The following INTS1 variants were observed in gnomAD, a reference collection of about 807,000 sequenced individuals.
The protein encoded by INTS1 is integrator complex subunit 1.
Under a neutral mutation model 241.6 loss-of-function variants are expected in INTS1, and 137 were observed. The ratio of observed to expected loss-of-function variants is 0.57; its 90% CI spans 0.49 to 0.65. The LOEUF is 0.65. Among genes scored for constraint, INTS1 ranks in the 30% least tolerant of loss-of-function variants. The pLI is 0.00. For missense variants in INTS1, 3,073 were observed against 3,032.2 expected, an observed-to-expected ratio of 1.01 and a Z score of -0.32; for synonymous variants, 1,692 against 1,337.8, an observed-to-expected ratio of 1.26 and a Z score of -5.78.
chr7:1,470,526 C>A lies in INTS1; in HGVS notation c.*51G>T. ...GCTTCCTGGGCTTTGCCTCGAGGATCCCCGGGGACGGGACGGGCCGGGGCT... is the reference window on the plus strand; with the variant it reads ...GCTTCCTGGGCTTTGCCTCGAGGATACCCGGGGACGGGACGGGCCGGGGCT... On this transcript the variant is annotated 3_prime_UTR_variant, in exon 48 of 48. Coordinates refer to ENST00000404767, the MANE Select transcript of INTS1 (RefSeq NM_001080453.3). 7.2e-7 allele frequency: 1 copy of A among 1,380,654 alleles called. No individual in the cohort carries two copies. The highest frequency in any genetic ancestry group is 9.8e-7 in the Non-Finnish European group (1 of 1,019,996). 85.5% of individuals were successfully genotyped at this position (1,380,654 alleles called of 1,614,324 possible).
chr7:1,500,281 G>T lies in INTS1; in HGVS notation c.435C>A (p.Ala145=). ...DDRIEGVLCG[A]VKQLKVTRAK... ...CGCGGGTGACCTTCAGCTGCTTCAC[G>T]GCCCCGCACAGCACGCCCTCGATCC... is the stretch of plus-strand genomic sequence containing the variant. Residue 145 remains alanine, a synonymous_variant, in exon 4 of 48, where the codon GCC becomes GCA. Transcript: ENST00000404767. 6.3e-7 allele frequency: 1 copy of T among 1,597,114 alleles called. No homozygotes were observed. The highest frequency in any genetic ancestry group is 8.5e-7 in the Non-Finnish European group (1 of 1,171,256).
chr7:1,485,653 T>C, intron 22 of INTS1, 184 bp from the exon 23 acceptor site: 1 of 644,806 alleles, frequency 1.6e-6, no homozygotes, highest in Non-Finnish European at 2.6e-6. Context: ...AATGCTTCTG[T>C]TCAAGTTCCT....
Position 1,480,332 on chromosome 7 carries a change from A to T in INTS1, c.4059T>A (p.Ala1353=). The T allele has an allele frequency of 6.2e-7, 1 of 1,608,996 alleles. No homozygotes were observed. Residue 1353 remains alanine, a synonymous_variant, in exon 30 of 48, where the codon GCT becomes GCA. Coordinates refer to ENST00000404767, the MANE Select transcript of INTS1 (RefSeq NM_001080453.3). The stretch of plus-strand genomic sequence containing the variant: ...GCAACGCTACCTGGAGGAACATGCC[A>T]GCCAGGTCGTCCTCAGGGCCCAGCA... The part of the protein sequence containing the change: ...LRVLGPEDDL[A]GMFLQIFPLS...
rs776720575 is a variant in INTS1, at chr7:1,500,160, C to T, written c.546+10G>A. The T allele has an allele frequency of 1.6e-5, 25 of 1,581,672 alleles. No individual in the cohort carries two copies. Among genetic ancestry groups the T allele is most frequent in the Middle Eastern group, 1.7e-4 (1 of 5,996 alleles). Reference sequence around the variant, plus strand: ...CGCTGCTCGCCTCCTGCCAGGGGCCCGGCTCAAACCTCAATGACGCCCTCA... The same window carrying T: ...CGCTGCTCGCCTCCTGCCAGGGGCCTGGCTCAAACCTCAATGACGCCCTCA... On this transcript the variant is annotated intron_variant, in intron 4 of 47. Transcript: ENST00000404767.
intron 40 of INTS1, 83 bp from the exon 41 acceptor site, chr7:1,474,443 C>G: frequency 2.1e-6 from 3 of 1,408,266 alleles, no homozygotes; most frequent in Non-Finnish European, 2.8e-6. Context: ...ACTGCCTGCC[C>G]CGGGAGCCAG....
Position 1,496,250 on chromosome 7 carries a change from C to T in INTS1, c.1617G>A (p.Val539=), listed in dbSNP as rs775818069. 2 of 1,613,686 alleles carry T rather than the reference C, an allele frequency of 1.2e-6. No individual in the cohort carries two copies. The highest frequency in any genetic ancestry group is 4.5e-5 in the East Asian group (2 of 44,862). Reference sequence around the variant, plus strand: ...ACACGGCCAGGACGTCGGTGATGTGCACCACGAAGCGCTCCTGCAGGTGCA... The same window carrying T: ...ACACGGCCAGGACGTCGGTGATGTGTACCACGAAGCGCTCCTGCAGGTGCA... ...LEMEFKERFV[V]HITDVLAVSM... is the part of the protein sequence containing the mutation. The change falls in exon 12 of 48, where the codon GTG becomes GTA. Residue 539 remains valine (V), a synonymous_variant. Transcript: ENST00000404767.
intron 16 of INTS1, among the ~76,000 whole-genome samples, chr7:1,490,980 C>T (rs912511285): frequency 4.6e-5 from 7 of 152,248 alleles, no homozygotes; most frequent in Non-Finnish European, 1.0e-4. Flanking sequence ...GGCGCCAAGA[C>T]GGCCCAAGGC....
rs1317865233 is a variant in INTS1 at position 1,480,854 on chromosome 7, G to A, written c.3930C>T (p.Ala1310=). The A allele has an allele frequency of 3.1e-5, 48 of 1,553,522 alleles. No homozygotes were observed. The highest frequency in any genetic ancestry group is 4.2e-5 in the Non-Finnish European group (48 of 1,149,468). Residue 1310 remains alanine (A), a synonymous_variant, in exon 29 of 48, where the codon GCC becomes GCT. Coordinates refer to ENST00000404767, the MANE Select transcript of INTS1 (RefSeq NM_001080453.3). ...GGQTFHSLLT[A]SLPPRRDSTE... Reference sequence around the variant, plus strand: ...CAGTACCTCGGCGGGGCGGCAGGGAGGCTGTGAGCAAGGAGTGGAAAGTCT... The same window carrying A: ...CAGTACCTCGGCGGGGCGGCAGGGAAGCTGTGAGCAAGGAGTGGAAAGTCT...
intron 26 of INTS1, chr7:1,483,278 G>T: frequency 4.0e-6 from 1 of 250,206 alleles, no homozygotes. Flanking sequence ...GGCCGCAGAG[G>T]GCACGGCTGG....
intron 1 of INTS1, 143 bp downstream of exon 1, chr7:1,504,180 T>G (rs1056809487): frequency 7.4e-6 from 4 of 537,040 alleles, no homozygotes; most frequent in Non-Finnish European, 1.3e-5. Flanking sequence ...CGGGAGCGGC[T>G]CAGTCGGGCG....
intron 12 of INTS1, 125 bp downstream of exon 12, chr7:1,496,031 T>C (rs558677923): frequency 4.7e-5 from 32 of 687,296 alleles, no homozygotes; most frequent in African/African-American, 4.5e-4. Flanking sequence ...TGTCCCCGAG[T>C]AGCCGTGCTG....
chr7:1,485,641 TA>T, intron 22 of INTS1, 172 bp from the exon 23 acceptor site: 1 of 663,086 alleles, frequency 1.5e-6, no homozygotes, highest in African/African-American at 1.8e-5. Flanking sequence ...CTCTTTCTGT[TA>T]AATGCTTCTG....
At position 1,476,056 on chromosome 7, in the gene INTS1, G is replaced by C. The variant is rs773776500; in HGVS notation, c.5394C>G (p.Arg1798=). The change falls in exon 39 of 48, where the codon CGC becomes CGG. Residue 1798 remains arginine (R), a synonymous_variant. Transcript: ENST00000404767. Reference sequence around the variant, plus strand: ...AGAGCTGCAGGAGAAGGTCTCGGCAGCGCCTGCCCAGCACGCTGGAAGAGG... The same window carrying C: ...AGAGCTGCAGGAGAAGGTCTCGGCACCGCCTGCCCAGCACGCTGGAAGAGG... ...QQWGDSVLGR[R]CRDLLLQLYL... 1.3e-5 allele frequency: 20 copies of C among 1,544,212 alleles called. No homozygotes were observed. In the South Asian group the frequency reaches 2.3e-4, roughly 17 times the overall value.
chr7:1,494,717 CCG>C lies in INTS1; in HGVS notation c.1910+97_1910+98del, dbSNP rs953930713. 2.4e-5 allele frequency: 29 copies of C among 1,188,100 alleles called. No homozygotes were observed. In the Admixed American group the frequency reaches 5.4e-4, roughly 22 times the overall value. The allele number at this position is 1,188,100 out of a possible 1,614,324, so 73.6% of individuals were successfully genotyped here. A position where few individuals can be genotyped will look rare whatever the true frequency, so the allele number is the denominator to read the frequency against. ...GATGGTGCTGTGACCATGGGAACAG[CCG>C]CCCAACTCCCACTGGCCCTTCCTGC... On this transcript the variant is annotated intron_variant, in intron 14 of 47. Coordinates refer to ENST00000404767, the MANE Select transcript of INTS1 (RefSeq NM_001080453.3).
At chr7:1,474,390 CCGGCCGG>C (rs1238157913) in intron 40 of INTS1, 30 bp from the exon 41 acceptor site, 3 of 1,551,424 alleles carry the variant, frequency 1.9e-6, no homozygotes, top group Non-Finnish European at 2.6e-6. Context: ...CCAGTCAGCC[CCGGCCGG>C]CGGGCTCACC....
At position 1,481,132 on chromosome 7, in the gene INTS1, T is replaced by A; in HGVS notation, c.3851-199A>T. 1 of 718,778 alleles carries A rather than the reference T, an allele frequency of 1.4e-6. No homozygotes were observed. The highest frequency in any genetic ancestry group is 2.4e-6 in the Non-Finnish European group (1 of 419,322). 44.5% of individuals were successfully genotyped at this position (718,778 alleles called of 1,614,324 possible). A position where few individuals can be genotyped will look rare whatever the true frequency, so the allele number is the denominator to read the frequency against. ...TCAAAACACGGCCCTAGGGGGTGCC[T>A]GGCCCCAGGGTTGGGGCAGGCCCAG... is the stretch of plus-strand genomic sequence containing the variant. On this transcript the variant is annotated intron_variant, in intron 28 of 47. Coordinates refer to ENST00000404767, the MANE Select transcript of INTS1 (RefSeq NM_001080453.3). The surrounding 1 kb of genome is among the most constrained non-coding windows in gnomAD (Gnocchi z 6.8).
At chr7:1,477,287 C>T (rs1447941083) in intron 35 of INTS1, among the ~76,000 whole-genome samples, 1 of 152,152 alleles carries the variant, frequency 6.6e-6, no homozygotes, top group Non-Finnish European at 1.5e-5. Flanking sequence ...GCAGGGCCGA[C>T]CCCACCCCAT....
intron 45 of INTS1, 71 bp downstream of exon 45, chr7:1,471,500 G>A (rs1223894291): frequency 4.0e-6 from 6 of 1,505,504 alleles, no homozygotes; most frequent in Admixed American, 3.4e-5. Flanking sequence ...GCCATGTTGG[G>A]GTGGTGGCCC....
chr7:1,490,887 G>T (rs1474230010), intron 16 of INTS1, among the ~76,000 whole-genome samples: 1 of 152,252 alleles, frequency 6.6e-6, no homozygotes, highest in Admixed American at 6.5e-5. Context: ...ATGGAGCTGA[G>T]TCGAGAGGTC....
Sources: gnomAD v4.1 joint callset for allele counts (sites outside exome capture counted in the v4.1 genomes callset) on GRCh38, gnomAD v4.1.1 for gene constraint, Gnocchi (gnomAD v3.1) non-coding constraint, MANE v1.5 for transcripts, NCBI Gene and HGNC (gene_info 2026-07-23, HGNC 2026-07-21) for gene names.